The following ZMAT4 variants were observed in gnomAD, a reference collection of about 807,000 sequenced individuals.
The protein encoded by ZMAT4 is zinc finger matrin-type 4.
A neutral mutation model predicts 28.7 loss-of-function variants in ZMAT4; 17 were observed. The observed-to-expected ratio is 0.59, with a 90% CI of 0.41 to 0.89. ZMAT4 has a LOEUF of 0.89. Ranked by LOEUF, ZMAT4 falls within the 40% of genes least tolerant of loss-of-function variation. ZMAT4 has a pLI of 0.00. For synonymous variants in ZMAT4, 117 were observed against 109.2 expected, an observed-to-expected ratio of 1.07 and a Z score of -0.44; for missense variants, 240 against 283.8, an observed-to-expected ratio of 0.85 and a Z score of 1.11.
intron 1 of ZMAT4, among the ~76,000 whole-genome samples, chr8:40,865,744 G>A (rs142581005): frequency 1.3e-5 from 2 of 152,178 alleles, no homozygotes; most frequent in African/African-American, 2.4e-5. Context: ...ACTCGAACCC[G>A]GACTTTTAGA....
At chr8:40,788,193 A>T (rs1814164067) in intron 2 of ZMAT4, among the ~76,000 whole-genome samples, 1 of 152,206 alleles carries the variant, frequency 6.6e-6, no homozygotes. Flanking sequence ...TACATATATT[A>T]AAATAATAAT....
chr8:40,738,154 T>G lies in ZMAT4; in HGVS notation c.192+29487A>C, dbSNP rs915734256. Among the ~76,000 whole-genome samples the G allele has an allele frequency of 2.6e-5, 4 of 152,312 alleles. No individual in the cohort carries two copies. In the East Asian group the frequency reaches 7.7e-4, roughly 29 times the overall value. On this transcript the variant is annotated intron_variant, in intron 3 of 6. Transcript: ENST00000297737. ...AGGAGGTTCTGACTAGAAGTTTATA[T>G]ATTGCATTTTAATACAGAAGAGGTA...
intron 5 of ZMAT4, among the ~76,000 whole-genome samples, chr8:40,618,689 C>T (rs1015872558): frequency 2.0e-5 from 3 of 151,722 alleles, no homozygotes; most frequent in Admixed American, 6.6e-5. Flanking sequence ...GACTGGTTTC[C>T]CAGGTCAGAT....
intron 2 of ZMAT4, among the ~76,000 whole-genome samples, chr8:40,775,649 G>A (rs1813560746): frequency 6.6e-6 from 1 of 152,226 alleles, no homozygotes; most frequent in Non-Finnish European, 1.5e-5. Flanking sequence ...CTAGATACTA[G>A]CTTGGTAAAG....
intron 2 of ZMAT4, among the ~76,000 whole-genome samples, chr8:40,801,351 A>AATATATATATATATATATATATATATAT (rs1554559737): frequency 1.2e-4 from 12 of 97,242 alleles, no homozygotes; most frequent in African/African-American, 4.4e-4. Context: ...TAAAAAAAAA[A>AATATATATATATATATATATATATATAT]ATATATATAT....
intron 4 of ZMAT4, among the ~76,000 whole-genome samples, chr8:40,676,860 C>T (rs1808932614): frequency 6.6e-6 from 1 of 152,084 alleles, no homozygotes; most frequent in African/African-American, 2.4e-5. Context: ...TTCCAGCAGC[C>T]ACCCAGTATC....
intron 5 of ZMAT4, among the ~76,000 whole-genome samples, chr8:40,598,140 A>T (rs28648516): frequency 3.3e-5 from 5 of 152,186 alleles, no homozygotes; most frequent in African/African-American, 1.2e-4. Context: ...TCAATATGTG[A>T]GTGATATGCT....
chr8:40,831,005 C>T (rs1435536680), intron 1 of ZMAT4, among the ~76,000 whole-genome samples: 3 of 152,138 alleles, frequency 2.0e-5, no homozygotes, highest in African/African-American at 7.2e-5. Context: ...CCATCATTAC[C>T]ATTAATATTA....
chr8:40,805,831 C>G (rs889245701), intron 2 of ZMAT4, among the ~76,000 whole-genome samples: 1 of 151,124 alleles, frequency 6.6e-6, no homozygotes, highest in East Asian at 2.0e-4. Context: ...GGAGATATAC[C>G]TAATGCGAGA....
At position 40,805,823 on chromosome 8, in the gene ZMAT4, A is replaced by C. The variant is rs183008588; in HGVS notation, c.102+19752T>G. 2.5e-4 allele frequency among the ~76,000 whole-genome samples: 38 copies of C among 151,160 alleles called. No homozygotes were observed. The East Asian group carries it at 7.5e-3, about 30-fold the overall frequency. The stretch of plus-strand genomic sequence containing the variant: ...GGGAGGGGGGAGGGATGGCATTGGG[A>C]GATATACCTAATGCGAGATGACGAG... On this transcript the variant is annotated intron_variant, in intron 2 of 6. Transcript: ENST00000297737.
chr8:40,869,548 A>G (rs1045298509), intron 1 of ZMAT4, among the ~76,000 whole-genome samples: 1 of 152,210 alleles, frequency 6.6e-6, no homozygotes, highest in Non-Finnish European at 1.5e-5. Flanking sequence ...TATCTACATC[A>G]CAAGATTATT....
At chr8:40,700,813 A>T (rs1810111215) in intron 3 of ZMAT4, among the ~76,000 whole-genome samples, 1 of 152,086 alleles carries the variant, frequency 6.6e-6, no homozygotes, top group South Asian at 2.1e-4. Context: ...TCTTCTACAG[A>T]ACATGGAATT....
intron 3 of ZMAT4, among the ~76,000 whole-genome samples, chr8:40,710,773 A>G (rs1383481031): frequency 1.3e-5 from 2 of 148,816 alleles, no homozygotes; most frequent in African/African-American, 5.0e-5. Context: ...GGATCTTTAA[A>G]AAGATCAAGA....
intron 5 of ZMAT4, among the ~76,000 whole-genome samples, chr8:40,586,771 A>C (rs944254715): frequency 5.9e-5 from 9 of 152,202 alleles, no homozygotes; most frequent in Non-Finnish European, 1.2e-4. Flanking sequence ...GCTGAATGCT[A>C]TGAATATGGG....
At chr8:40,584,350 C>T (rs1221447505) in intron 5 of ZMAT4, among the ~76,000 whole-genome samples, 1 of 152,110 alleles carries the variant, frequency 6.6e-6, no homozygotes, top group Non-Finnish European at 1.5e-5. Context: ...GAGAAGCCTC[C>T]CACACCCTCT....
intron 5 of ZMAT4, among the ~76,000 whole-genome samples, chr8:40,601,635 AG>A (rs567528488): frequency 0.18 from 6,678 of 38,146 alleles, 1,062 homozygotes; most frequent in Non-Finnish European, 0.24. Context: ...AGAAAGAAAG[AG>A]AAAGAAAGAA....
intron 5 of ZMAT4, among the ~76,000 whole-genome samples, chr8:40,658,025 C>T (rs1170597487): frequency 6.6e-6 from 1 of 152,152 alleles, no homozygotes; most frequent in Non-Finnish European, 1.5e-5. Context: ...TTCAAGTTCA[C>T]TCTCTTTAAA....
At chr8:40,599,737 G>A (rs1427929502) in intron 5 of ZMAT4, among the ~76,000 whole-genome samples, 2 of 152,242 alleles carry the variant, frequency 1.3e-5, no homozygotes, top group Non-Finnish European at 2.9e-5. Context: ...GTGGGCTGAA[G>A]ACATCTGGAT....
chr8:40,670,636 G>T (rs1470040982), intron 5 of ZMAT4, among the ~76,000 whole-genome samples: 1 of 152,134 alleles, frequency 6.6e-6, no homozygotes, highest in Non-Finnish European at 1.5e-5. Flanking sequence ...ATTCAACAAA[G>T]AATGTGAATC....
Sources: gnomAD v4.1 joint callset for allele counts (sites outside exome capture counted in the v4.1 genomes callset) on GRCh38, gnomAD v4.1.1 for gene constraint, MANE v1.5 for transcripts, NCBI Gene and HGNC (gene_info 2026-07-23, HGNC 2026-07-21) for gene names.